The following SPINK5 variants were observed in gnomAD, a reference collection of about 807,000 sequenced individuals.
SPINK5 encodes serine protease inhibitor Kazal-type 5.
A neutral mutation model predicts 151.8 loss-of-function variants in SPINK5; 125 were observed. That is an observed-to-expected ratio of 0.82 (90% confidence interval 0.71 to 0.96). The LOEUF (loss-of-function observed/expected upper bound fraction) is 0.96, where lower values mean the gene tolerates loss of function less well. Among genes scored for constraint, SPINK5 ranks in the 40% least tolerant of loss-of-function variants. The probability of loss-of-function intolerance (pLI) is 0.00; values close to 1 mark genes in which losing one functional copy is unlikely to be tolerated. For synonymous variants in SPINK5, 374 were observed against 395.3 expected, an observed-to-expected ratio of 0.95 and a Z score of 0.64; for missense variants, 1,194 against 1,291.9, an observed-to-expected ratio of 0.92 and a Z score of 1.16.
At position 148,070,435 on chromosome 5, in the gene SPINK5, C is replaced by T. The variant is rs552548594; in HGVS notation, c.194C>T (p.Thr65Met). The T allele has an allele frequency of 2.4e-5, 39 of 1,612,510 alleles. No homozygotes were observed. Among genetic ancestry groups the T allele is most frequent in the Middle Eastern group, 3.3e-4 (2 of 6,046 alleles). The change falls in exon 3 of 33, where the codon ACG (threonine) becomes ATG (methionine). Residue 65 changes from threonine (T) to methionine (M), a missense_variant. Transcript: ENST00000256084. ...ATAATGTTCATCAATAAATGTGCCA[C>T]GTGCAAAATGATACTGTGAGTAAAG... ...DGIMFINKCA[T>M]CKMILEKEAK...
intron 18 of SPINK5, among the ~76,000 whole-genome samples, chr5:148,110,520 T>C (rs2113153185): frequency 6.6e-6 from 1 of 152,304 alleles, no homozygotes; most frequent in Middle Eastern, 3.4e-3. Context: ...TTAAAAAGTA[T>C]TTTAGTTATA....
In SPINK5 at chr5:148,137,148, C is replaced by G; in HGVS notation, c.*157C>G. The G allele has an allele frequency of 2.1e-6, 2 of 942,594 alleles. No homozygotes were observed. The highest frequency in any genetic ancestry group is 3.4e-6 in the Non-Finnish European group (2 of 594,344). The allele number at this position is 942,594 out of a possible 1,614,324, so 58.4% of individuals were successfully genotyped here. A position where few individuals can be genotyped will look rare whatever the true frequency, so the allele number is the denominator to read the frequency against. The stretch of plus-strand genomic sequence containing the variant: ...GGGAATGGACTCACTGATTTTCAGT[C>G]TTTTCCATCTCTTTCCTCCTAGACT... On this transcript the variant is annotated 3_prime_UTR_variant, in exon 33 of 33. Coordinates refer to ENST00000256084, the MANE Select transcript of SPINK5 (RefSeq NM_006846.4).
intron 9 of SPINK5, 46 bp from the exon 10 acceptor site, chr5:148,095,772 C>T (rs757397422): frequency 1.7e-5 from 26 of 1,495,012 alleles, no homozygotes; most frequent in Non-Finnish European, 2.2e-5. Flanking sequence ...TGTTTTGTAA[C>T]ATGAAGATCG....
intron 16 of SPINK5, among the ~76,000 whole-genome samples, chr5:148,105,502 T>G (rs1376398275): frequency 6.6e-6 from 1 of 152,232 alleles, no homozygotes; most frequent in Non-Finnish European, 1.5e-5. Context: ...CCAGTTATTT[T>G]TATTCCACTC....
intron 5 of SPINK5, among the ~76,000 whole-genome samples, chr5:148,087,245 T>G (rs945471407): frequency 2.0e-5 from 3 of 151,852 alleles, no homozygotes; most frequent in Non-Finnish European, 4.4e-5. Flanking sequence ...GTTCTTTCTC[T>G]ACCTTCAATG....
At chr5:148,088,457 G>T in intron 5 of SPINK5, 85 bp from the exon 6 acceptor site, 1 of 1,182,488 alleles carries the variant, frequency 8.5e-7, no homozygotes, top group South Asian at 1.2e-5. Flanking sequence ...AAAGGAGAAT[G>T]ACAATGCAAT....
In SPINK5 at chr5:148,131,294, C is replaced by G; in HGVS notation, c.3000C>G (p.Pro1000=). ...TGTGCAAAGACTACCGAGTATTGCC[C>G]AGGATAGGTTATCTTTGTCCAAAGG... The part of the protein sequence containing the change: ...SEMCKDYRVL[P]RIGYLCPKDL... Residue 1000 remains proline, a synonymous_variant, in exon 31 of 33, where the codon CCC becomes CCG. Transcript: ENST00000256084. 1 of 1,613,832 alleles carries G rather than the reference C, an allele frequency of 6.2e-7. No individual in the cohort carries two copies. The highest frequency in any genetic ancestry group is 1.1e-5 in the South Asian group (1 of 91,076).
intron 4 of SPINK5, among the ~76,000 whole-genome samples, chr5:148,082,983 C>CT (rs142153164): frequency 0.62 from 81,049 of 131,710 alleles, 25,290 homozygotes; most frequent in East Asian, 0.77. Context: ...GCTTAATATT[C>CT]TTTTTTTTTT....
chr5:148,076,068 G>A (rs994340890), intron 4 of SPINK5, among the ~76,000 whole-genome samples: 6 of 151,722 alleles, frequency 4.0e-5, no homozygotes, highest in East Asian at 1.9e-4. Context: ...ATAAAGCTGC[G>A]CATATCCGCT....
At chr5:148,105,144 GGTCCTGATAAGAAGT>G in intron 16 of SPINK5, 144 bp downstream of exon 16, 2 of 910,170 alleles carry the variant, frequency 2.2e-6, no homozygotes, top group South Asian at 3.2e-5. Context: ...GAACAAAAAG[GGTCCTGATAAGAAGT>G]GTCCAGAGTA....
rs1026734513 is a variant in SPINK5, at chr5:148,126,843, G to T, written c.2868-140G>T. ...CTGACCTCAGGTGATTCGCCAGCCT[G>T]GGCCTTCCAAAATGCTGGGGTTACA... On this transcript the variant is annotated intron_variant, in intron 29 of 32. Coordinates refer to ENST00000256084, the MANE Select transcript of SPINK5 (RefSeq NM_006846.4). 24 of 639,648 alleles carry T rather than the reference G, an allele frequency of 3.8e-5. No homozygotes were observed. In the African/African-American group the frequency reaches 4.1e-4, roughly 11 times the overall value. The allele number at this position is 639,648 out of a possible 1,614,324, so 39.6% of individuals were successfully genotyped here.
At chr5:148,113,699 T>G (rs1259694606) in intron 20 of SPINK5, among the ~76,000 whole-genome samples, 3 of 151,948 alleles carry the variant, frequency 2.0e-5, no homozygotes. Flanking sequence ...ACTCTGTATG[T>G]TTGGCTTGTT....
chr5:148,112,551 T>C (rs1395797102), intron 19 of SPINK5, among the ~76,000 whole-genome samples: 2 of 152,044 alleles, frequency 1.3e-5, no homozygotes, highest in Non-Finnish European at 2.9e-5. Flanking sequence ...TGCACGCATG[T>C]AGTCCCAGCT....
chr5:148,119,154 A>C, intron 24 of SPINK5, 96 bp downstream of exon 24: 2 of 1,240,496 alleles, frequency 1.6e-6, no homozygotes, highest in Non-Finnish European at 2.4e-6. Flanking sequence ...TGATCAAGCT[A>C]GAGCTTGCCC....
In SPINK5 at chr5:148,137,332, T is replaced by C. The variant is rs1754721138; in HGVS notation, c.*341T>C. 2.8e-6 allele frequency: 1 copy of C among 362,736 alleles called. No homozygotes were observed. The highest frequency in any genetic ancestry group is 4.2e-5 in the Admixed American group (1 of 23,846). The allele number at this position is 362,736 out of a possible 1,614,324, so 22.5% of individuals were successfully genotyped here. ...CACTATCTGGATAATAGATATTTGC[T>C]TTTAAAGAAACTGAATAAACTCTAC... On this transcript the variant is annotated 3_prime_UTR_variant, in exon 33 of 33. Transcript: ENST00000256084.
intron 2 of SPINK5, among the ~76,000 whole-genome samples, 192 bp from the exon 3 acceptor site, chr5:148,070,131 G>A (rs1004959356): frequency 6.6e-6 from 1 of 151,966 alleles, no homozygotes; most frequent in Non-Finnish European, 1.5e-5. Context: ...AAGGAAGGAG[G>A]ATAATTTATT....
chr5:148,064,617 C>A (rs1581042991), intron 1 of SPINK5, among the ~76,000 whole-genome samples: 1 of 152,076 alleles, frequency 6.6e-6, no homozygotes, highest in East Asian at 1.9e-4. Context: ...GAGTGAGGGA[C>A]TTTTGTGGGA....
chr5:148,116,183 T>C (rs1191441451), intron 21 of SPINK5, among the ~76,000 whole-genome samples, 187 bp from the exon 22 acceptor site: 4 of 152,158 alleles, frequency 2.6e-5, no homozygotes, highest in Non-Finnish European at 4.4e-5. Context: ...AATGAGACCC[T>C]TCCTGGCAAA....
chr5:148,110,986 T>C (rs1753910690), intron 18 of SPINK5, among the ~76,000 whole-genome samples: 1 of 151,654 alleles, frequency 6.6e-6, no homozygotes, highest in Non-Finnish European at 1.5e-5. Context: ...CAAAATAAAA[T>C]AAAATAAAAA....
Sources: gnomAD v4.1 joint callset for allele counts (sites outside exome capture counted in the v4.1 genomes callset) on GRCh38, gnomAD v4.1.1 for gene constraint, MANE v1.5 for transcripts, NCBI Gene and HGNC (gene_info 2026-07-23, HGNC 2026-07-21) for gene names.